EIF2AK4: variants seen among roughly 807,000 people sequenced by gnomAD.
The protein encoded by EIF2AK4 is eIF-2-alpha kinase GCN2.
A neutral mutation model predicts 211.1 loss-of-function variants in EIF2AK4; 139 were observed. The observed-to-expected ratio is 0.66, with a 90% CI of 0.57 to 0.76. The LOEUF is 0.76. EIF2AK4 is among the 30% of genes least tolerant of loss of function. The pLI is 0.00. For synonymous variants in EIF2AK4, 710 were observed against 751.3 expected, an observed-to-expected ratio of 0.94 and a Z score of 0.90; for missense variants, 1,664 against 2,043.8, an observed-to-expected ratio of 0.81 and a Z score of 3.58.
chr15:39,965,734 C>G lies in EIF2AK4; in HGVS notation c.908C>G (p.Ala303Gly), dbSNP rs1450896849. 2 of 1,614,050 alleles carry G rather than the reference C, an allele frequency of 1.2e-6. No homozygotes were observed. Among genetic ancestry groups the G allele is most frequent in the East Asian group, 4.5e-5 (2 of 44,874 alleles). The change falls in exon 8 of 39, where the codon GCC (alanine) becomes GGC (glycine). Residue 303 changes from alanine (A) to glycine (G), a missense_variant. Ala to Gly is a moderately conservative substitution (Grantham distance 60, BLOSUM62 0). Coordinates refer to ENST00000263791, the MANE Select transcript of EIF2AK4 (RefSeq NM_001013703.4). ...GKLVYNALET[A>G]TGGFVLLYEW... is the part of the protein sequence containing the mutation. ...TTAGTCTACAATGCTTTGGAAACAG[C>G]CACTGGTGGCTTTGTCTTGTTGTAT...
intron 3 of EIF2AK4, among the ~76,000 whole-genome samples, chr15:39,945,498 T>C (rs2034215073): frequency 6.6e-6 from 1 of 152,138 alleles, no homozygotes; most frequent in Non-Finnish European, 1.5e-5. Context: ...TAGCAGAGAT[T>C]GGTTCATGAG....
chr15:40,029,385 T>G (rs1249268605), intron 33 of EIF2AK4, 21 bp from the exon 34 acceptor site: 2 of 1,611,748 alleles, frequency 1.2e-6, no homozygotes, highest in African/African-American at 2.7e-5. Flanking sequence ...TCTTTAATTG[T>G]TTTTGTTTGC....
chr15:40,031,748 CAG>C (rs1336733692), intron 35 of EIF2AK4, among the ~76,000 whole-genome samples: 11 of 149,856 alleles, frequency 7.3e-5, no homozygotes, highest in African/African-American at 2.7e-4. Flanking sequence ...TTTTTTGAGA[CAG>C]AGTCTCACTC....
rs368341001 is a variant in EIF2AK4 at position 39,961,792 on chromosome 15, G to A, written c.752G>A (p.Arg251His). ...ANSSGRSRRERQYSVCNSEDS... is the reference protein window; with the variant it reads ...ANSSGRSRREHQYSVCNSEDS... ...TCAAATTTATTTTTAAGGCGAGAAC[G>A]TCAGTATTCTGTATGTAATAGTGAA... Residue 251 changes from arginine (R) to histidine (H), a missense_variant, in exon 7 of 39, where the codon CGT (arginine) becomes CAT (histidine). Arg to His is a conservative substitution (Grantham distance 29, BLOSUM62 0). Transcript: ENST00000263791. 6.3e-5 allele frequency: 102 copies of A among 1,610,392 alleles called. No homozygotes were observed. Among genetic ancestry groups the A allele is most frequent in the Middle Eastern group, 1.6e-4 (1 of 6,064 alleles).
In EIF2AK4 at chr15:39,992,322, C is replaced by T. The variant is rs7178419; in HGVS notation, c.2686+93C>T. The T allele has an allele frequency of 0.75, 833,893 of 1,108,134 alleles. 317,227 individuals carry two copies. The highest frequency in any genetic ancestry group is 0.8 in the Middle Eastern group (3,842 of 4,782). The allele number at this position is 1,108,134 out of a possible 1,614,324, so 68.6% of individuals were successfully genotyped here. A position where few individuals can be genotyped will look rare whatever the true frequency, so the allele number is the denominator to read the frequency against. On this transcript the variant is annotated intron_variant, in intron 17 of 38. Coordinates refer to ENST00000263791, the MANE Select transcript of EIF2AK4 (RefSeq NM_001013703.4). The stretch of plus-strand genomic sequence containing the variant: ...GTTTTTTACTTGTAAAGGTTTTATT[C>T]TACGGCAGATTTTAATTGCTCCTTA...
intron 9 of EIF2AK4, 131 bp downstream of exon 9, chr15:39,968,010 A>G (rs1024490582): frequency 8.0e-6 from 7 of 878,392 alleles, no homozygotes; most frequent in African/African-American, 6.8e-5. Flanking sequence ...TGCTCTCCCA[A>G]TCCTGTCCTA....
intron 36 of EIF2AK4, 51 bp downstream of exon 36, chr15:40,032,288 A>T: frequency 1.3e-6 from 2 of 1,541,808 alleles, no homozygotes; most frequent in Non-Finnish European, 1.8e-6. Flanking sequence ...CATACTGTCA[A>T]AGTAGTTGCC....
chr15:39,973,969 G>A (rs2034659562), intron 11 of EIF2AK4: 1 of 420,070 alleles, frequency 2.4e-6, no homozygotes, highest in African/African-American at 2.0e-5. Context: ...GCTTCATGTG[G>A]AGCATTAACA....
chr15:39,944,481 G>C (rs1212846409), intron 3 of EIF2AK4, among the ~76,000 whole-genome samples: 2 of 133,002 alleles, frequency 1.5e-5, no homozygotes, highest in African/African-American at 6.0e-5. Flanking sequence ...ACCCAGGCTA[G>C]AGTGCAATGG....
At chr15:39,992,944 G>A (rs1189442774) in intron 18 of EIF2AK4, 96 bp downstream of exon 18, 38 of 1,182,726 alleles carry the variant, frequency 3.2e-5, no homozygotes, top group Non-Finnish European at 4.8e-5. Flanking sequence ...AAATAGTCAA[G>A]ACATCCACTC....
At chr15:39,938,012 A>G (rs1439447800) in intron 1 of EIF2AK4, among the ~76,000 whole-genome samples, 2 of 152,210 alleles carry the variant, frequency 1.3e-5, no homozygotes, top group African/African-American at 4.8e-5. Context: ...CTACATCCTC[A>G]GATAGTTCTT....
intron 38 of EIF2AK4, among the ~76,000 whole-genome samples, chr15:40,034,746 T>C (rs1010313233): frequency 3.3e-5 from 5 of 152,186 alleles, no homozygotes; most frequent in African/African-American, 9.7e-5. Flanking sequence ...TGTATGTCCT[T>C]ATGTCATAAT....
chr15:39,978,198 T>C, intron 13 of EIF2AK4, 51 bp downstream of exon 13: 1 of 1,101,454 alleles, frequency 9.1e-7, no homozygotes, highest in Non-Finnish European at 1.3e-6. Context: ...ATAATTGACG[T>C]CTGATGTCAT....
rs984811319 is a variant in EIF2AK4 at position 39,990,178 on chromosome 15, C to T, written c.2527-95C>T. ...GTGGTCTGTGGGAGAAGACCTCATA[C>T]GATTTTCATCGCTAGGTTGGCCTTT... On this transcript the variant is annotated intron_variant, in intron 15 of 38. Transcript: ENST00000263791. 3.0e-5 allele frequency: 37 copies of T among 1,229,454 alleles called. No homozygotes were observed. The African/African-American group carries it at 3.7e-4, about 12-fold the overall frequency. The allele number at this position is 1,229,454 out of a possible 1,614,324, so 76.2% of individuals were successfully genotyped here. A position where few individuals can be genotyped will look rare whatever the true frequency, so the allele number is the denominator to read the frequency against.
chr15:39,945,573 G>A (rs909274004), intron 3 of EIF2AK4, among the ~76,000 whole-genome samples: 1 of 152,208 alleles, frequency 6.6e-6, no homozygotes, highest in Non-Finnish European at 1.5e-5. Context: ...TGCTCATGAG[G>A]AAGCTTCAGC....
chr15:39,963,381 C>T (rs1054798135), intron 7 of EIF2AK4, among the ~76,000 whole-genome samples: 1 of 152,172 alleles, frequency 6.6e-6, no homozygotes, highest in Admixed American at 6.5e-5. Context: ...CACTGGTACT[C>T]ATTAGACAGA....
At chr15:39,941,308 A>C (rs1051026597) in intron 2 of EIF2AK4, among the ~76,000 whole-genome samples, 3 of 152,196 alleles carry the variant, frequency 2.0e-5, no homozygotes, top group Admixed American at 6.5e-5. Flanking sequence ...TCTGGTGACC[A>C]GTCCTGATCC....
Position 40,030,440 on chromosome 15 carries a change from G to A in EIF2AK4, c.4643G>A (p.Arg1548Lys). Residue 1548 changes from arginine (R) to lysine (K), a missense_variant, in exon 35 of 39, where the codon AGG becomes AAG. Around this residue, in one of 7 missense-constraint regions of EIF2AK4, gnomAD observed 138 missense variants for 165.1 expected, o/e 0.84. Transcript: ENST00000263791. ...GAGAAGCTGTCAGCCAGCACTAGGA[G>A]GCGCTATGAAACTCAGGTACACTGG... ...APEKLSASTR[R>K]RYETQVQTRL... 2 of 1,613,960 alleles carry A rather than the reference G, an allele frequency of 1.2e-6. No individual in the cohort carries two copies. Among genetic ancestry groups the A allele is most frequent in the Non-Finnish European group, 1.7e-6 (2 of 1,179,978 alleles).
intron 23 of EIF2AK4, among the ~76,000 whole-genome samples, chr15:40,004,757 G>T (rs2035137611): frequency 6.6e-6 from 1 of 152,146 alleles, no homozygotes. Flanking sequence ...CTCTCGCTGT[G>T]TTGCCCAGGC....
Sources: gnomAD v4.1 joint callset for allele counts (sites outside exome capture counted in the v4.1 genomes callset) on GRCh38, gnomAD v4.1.1 for gene constraint, gnomAD v4.1.1 regional missense constraint, MANE v1.5 for transcripts, NCBI Gene and HGNC (gene_info 2026-07-23, HGNC 2026-07-21) for gene names.